CUX1: variants seen among roughly 807,000 people sequenced by gnomAD.
The protein encoded by CUX1 is cut like homeobox 1.
CUX1 carries 31 observed loss-of-function variants against 158.8 expected under a neutral mutation model. That is an observed-to-expected ratio of 0.20 (90% CI 0.15 to 0.26). The LOEUF is 0.26. Ranked by LOEUF, CUX1 falls within the 10% of genes least tolerant of loss-of-function variation. The pLI is 1.00. For synonymous variants in CUX1, 879 were observed against 862.1 expected, an observed-to-expected ratio of 1.02 and a Z score of -0.34; for missense variants, 1,589 against 2,014.6, an observed-to-expected ratio of 0.79 and a Z score of 4.04.
intron 2 of CUX1, among the ~76,000 whole-genome samples, chr7:101,924,932 G>A (rs1168382798): frequency 1.3e-5 from 2 of 152,068 alleles, no homozygotes; most frequent in Admixed American, 1.3e-4. Flanking sequence ...TCCTTGATAT[G>A]TCAGTGTTAC....
chr7:101,959,051 G>A lies in CUX1; in HGVS notation c.141+42826G>A, dbSNP rs146962889. 4.6e-5 allele frequency among the ~76,000 whole-genome samples: 7 copies of A among 151,496 alleles called. No homozygotes were observed. In the East Asian group the frequency reaches 1.2e-3, roughly 25 times the overall value. ...ATTTTTAAATTTTTTATAGAGACAC[G>A]GTCTGGCAGTGTTGCCTAAGCTGGT... On this transcript the variant is annotated intron_variant, in intron 2 of 23. Transcript: ENST00000292535.
intron 5 of CUX1, 46 bp downstream of exon 5, chr7:102,097,547 TC>T (rs1829329594): frequency 6.5e-7 from 1 of 1,541,106 alleles, no homozygotes; most frequent in Non-Finnish European, 8.7e-7. Flanking sequence ...TTCTTTTTTT[TC>T]TCTTCTTTTT....
At chr7:102,141,706 T>C (rs181309223) in intron 8 of CUX1, among the ~76,000 whole-genome samples, 33 of 152,032 alleles carry the variant, frequency 2.2e-4, no homozygotes, top group Non-Finnish European at 4.3e-4. Context: ...CACTTCAACC[T>C]GTGCCTCCCG....
chr7:102,229,576 C>G (rs1199701057), intron 21 of CUX1, among the ~76,000 whole-genome samples: 1 of 147,122 alleles, frequency 6.8e-6, no homozygotes, highest in Non-Finnish European at 1.5e-5. Context: ...CCTCCCAAAA[C>G]ACAGGGATTA....
Position 102,128,347 on chromosome 7 carries a change from C to G in CUX1, c.674+13074C>G, listed in dbSNP as rs537930609. Among the ~76,000 whole-genome samples the G allele has an allele frequency of 2.6e-5, 4 of 152,258 alleles. No homozygotes were observed. In the South Asian group the frequency reaches 6.2e-4, roughly 24 times the overall value. ...AGACCCTGACTCTGGTCCCATCTGT[C>G]CCCAGGTGTGACCCCACAAAGCCCC... On this transcript the variant is annotated intron_variant, in intron 8 of 23. Coordinates refer to ENST00000292535, the MANE Select transcript of CUX1 (RefSeq NM_181552.4).
chr7:101,834,139 T>C (rs1794362707), intron 1 of CUX1, among the ~76,000 whole-genome samples: 1 of 151,578 alleles, frequency 6.6e-6, no homozygotes. Flanking sequence ...GAGAGGCCTC[T>C]TATTTATTTG....
At chr7:101,972,824 C>T (rs1340331752) in intron 2 of CUX1, among the ~76,000 whole-genome samples, 3 of 152,310 alleles carry the variant, frequency 2.0e-5, no homozygotes, top group South Asian at 2.1e-4. Context: ...GAGCTCGCCG[C>T]GTGGTAACCA....
At chr7:102,227,959 T>TC (rs1277642175) in intron 21 of CUX1, among the ~76,000 whole-genome samples, 3 of 145,890 alleles carry the variant, frequency 2.1e-5, no homozygotes, top group Non-Finnish European at 4.5e-5. Flanking sequence ...TTCTTTTTTT[T>TC]TTTTTTTTTT....
At chr7:101,888,640 A>T (rs976815962) in intron 1 of CUX1, among the ~76,000 whole-genome samples, 1 of 152,044 alleles carries the variant, frequency 6.6e-6, no homozygotes, top group Non-Finnish European at 1.5e-5. Context: ...CCTAGGCTGG[A>T]GTGCGGTGGT....
intron 11 of CUX1, among the ~76,000 whole-genome samples, chr7:102,179,039 A>G (rs534266564): frequency 1.3e-5 from 2 of 151,720 alleles, no homozygotes; most frequent in African/African-American, 2.4e-5. Flanking sequence ...TTATTTGTTT[A>G]TTTATTTATT....
intron 1 of CUX1, among the ~76,000 whole-genome samples, chr7:101,850,999 C>T (rs1796212228): frequency 6.6e-6 from 1 of 152,128 alleles, no homozygotes; most frequent in African/African-American, 2.4e-5. Context: ...GTCCCAGCTA[C>T]ATGGGTAGCT....
intron 8 of CUX1, among the ~76,000 whole-genome samples, chr7:102,135,245 A>T (rs1399884062): frequency 6.6e-6 from 1 of 152,206 alleles, no homozygotes; most frequent in Non-Finnish European, 1.5e-5. Context: ...TTTGTAAGTT[A>T]CATATGTTAT....
chr7:102,067,862 CA>C (rs11397717), intron 3 of CUX1, among the ~76,000 whole-genome samples: 1 of 149,024 alleles, frequency 6.7e-6, no homozygotes, highest in Non-Finnish European at 1.5e-5. Flanking sequence ...ACTAAAAATA[CA>C]AAAAAAAATT....
In CUX1 at chr7:102,170,518, C is replaced by A; in HGVS notation, c.796C>A (p.Leu266Met). Residue 266 changes from leucine to methionine, a missense_variant, in exon 10 of 24, where the codon CTG becomes ATG. By Grantham distance (15) the Leu-to-Met change is conservative (BLOSUM62 2). Around this residue, in one of 8 missense-constraint regions of CUX1, gnomAD observed 515 missense variants for 574.4 expected, o/e 0.90. Coordinates refer to ENST00000292535, the MANE Select transcript of CUX1 (RefSeq NM_181552.4). ...QLSSANHSLQ[L>M]ASQIQKAPDV... ...CTCATCGGCCAATCACTCCCTCCAG[C>A]TGGCCTCACAGATCCAGAAGGCACC... 6.3e-7 allele frequency: 1 copy of A among 1,587,704 alleles called. No individual in the cohort carries two copies. The highest frequency in any genetic ancestry group is 8.6e-7 in the Non-Finnish European group (1 of 1,166,570).
At chr7:101,985,885 A>G (rs1814243292) in intron 2 of CUX1, among the ~76,000 whole-genome samples, 1 of 152,236 alleles carries the variant, frequency 6.6e-6, no homozygotes, top group Admixed American at 6.5e-5. Flanking sequence ...GGTTCTTTAG[A>G]CAGGCAGTGC....
intron 20 of CUX1, among the ~76,000 whole-genome samples, chr7:102,217,060 G>T (rs1370297410): frequency 6.6e-6 from 1 of 152,190 alleles, no homozygotes; most frequent in Non-Finnish European, 1.5e-5. Context: ...CACACAGCTG[G>T]CTTGGTAATA....
chr7:102,001,236 GCCAGTAGC>G (rs1294853575), intron 2 of CUX1, among the ~76,000 whole-genome samples: 1 of 152,158 alleles, frequency 6.6e-6, no homozygotes, highest in Non-Finnish European at 1.5e-5. Flanking sequence ...CTTGGGGATT[GCCAGTAGC>G]CCCAGTTAGC....
At position 102,201,857 on chromosome 7, in the gene CUX1, A is replaced by T. The variant is rs1554519896; in HGVS notation, c.2560A>T (p.Ser854Cys). 1.1e-5 allele frequency: 17 copies of T among 1,613,236 alleles called. No homozygotes were observed. The highest frequency in any genetic ancestry group is 1.4e-5 in the Non-Finnish European group (17 of 1,179,876). The change falls in exon 18 of 24, where the codon AGC becomes TGC. Residue 854 changes from serine to cysteine, a missense_variant. Ser to Cys is a moderately radical substitution (Grantham distance 112). Transcript: ENST00000292535. This position sits in a 1 kb window ranked among gnomAD's most constrained non-coding sequence, Gnocchi z 5.0. ...AACGGGCGGCGGGAAAGAGAAGGGC[A>T]GCGGTGGCAGCGGAGGTGGCAGCCA... ...EETGGGKEKG[S>C]GGSGGGSQPR...
chr7:102,205,199 A>T (rs1196004172), intron 20 of CUX1, 29 bp downstream of exon 20: 3 of 1,541,944 alleles, frequency 1.9e-6, no homozygotes, highest in Non-Finnish European at 2.7e-6. Context: ...TTGCTTTTGC[A>T]TGAAATGTCT....
Sources: gnomAD v4.1 joint callset for allele counts (sites outside exome capture counted in the v4.1 genomes callset) on GRCh38, gnomAD v4.1.1 for gene constraint, gnomAD v4.1.1 regional missense constraint, Gnocchi (gnomAD v3.1) non-coding constraint, MANE v1.5 for transcripts, NCBI Gene and HGNC (gene_info 2026-07-23, HGNC 2026-07-21) for gene names.